Variants in AVL9 observed in about 807,000 individuals in gnomAD.
AVL9 encodes the protein late secretory pathway protein AVL9 homolog.
Under a neutral mutation model 79.2 loss-of-function variants are expected in AVL9, and 49 were observed. That is an observed-to-expected ratio of 0.62 (90% CI 0.49 to 0.79). The LOEUF is 0.79. Ranked by LOEUF, AVL9 falls within the 30% of genes least tolerant of loss-of-function variation. AVL9 has a pLI of 0.00. For synonymous variants in AVL9, 299 were observed against 280.6 expected (o/e 1.07, Z -0.65); for missense variants, 682 against 776.8 (o/e 0.88, Z 1.45).
In AVL9 at chr7:32,584,045, G is replaced by T. The variant is rs1485619235; in HGVS notation, c.*138G>T. On this transcript the variant is annotated 3_prime_UTR_variant, in exon 16 of 16. Coordinates refer to ENST00000318709, the MANE Select transcript of AVL9 (RefSeq NM_015060.3). The stretch of plus-strand genomic sequence containing the variant: ...TGTTTACATGGATGTTGCTCTAAGT[G>T]AATGTTTCGGGATGCCGAAATGATG... 1.4e-6 allele frequency: 1 copy of T among 725,574 alleles called. No homozygotes were observed. Among genetic ancestry groups the T allele is most frequent in the African/African-American group, 1.7e-5 (1 of 57,296 alleles). 44.9% of individuals were successfully genotyped at this position (725,574 alleles called of 1,614,324 possible). A position where few individuals can be genotyped will look rare whatever the true frequency, so the allele number is the denominator to read the frequency against.
chr7:32,563,677 T>C (rs1014765009), intron 10 of AVL9, among the ~76,000 whole-genome samples: 6 of 151,958 alleles, frequency 3.9e-5, no homozygotes, highest in African/African-American at 1.2e-4. Context: ...TATTCCACTT[T>C]TATGTGGAAA....
chr7:32,509,104 T>C (rs1787539483), intron 1 of AVL9, among the ~76,000 whole-genome samples: 1 of 152,212 alleles, frequency 6.6e-6, no homozygotes, highest in Non-Finnish European at 1.5e-5. Context: ...CTGGACATGC[T>C]GTGCCTTCCA....
chr7:32,558,329 T>C (rs1362743478), intron 8 of AVL9, among the ~76,000 whole-genome samples: 1 of 151,918 alleles, frequency 6.6e-6, no homozygotes, highest in Non-Finnish European at 1.5e-5. Flanking sequence ...GGCTAAGTTT[T>C]TGTATTTTAG....
rs150119921 is a variant in AVL9 at position 32,503,770 on chromosome 7, C to T, written c.93+7968C>T. 7.7e-4 allele frequency among the ~76,000 whole-genome samples: 117 copies of T among 151,986 alleles called. 1 individual carries two copies. In the East Asian group the frequency reaches 0.022, roughly 28 times the overall value. On this transcript the variant is annotated intron_variant, in intron 1 of 15. Transcript: ENST00000318709. ...TGATCTTCGTTCACTGCATCCTCCACCTCCGGGGTACAAGCAATTCTCCTG... is the reference window on the plus strand; with the variant it reads ...TGATCTTCGTTCACTGCATCCTCCATCTCCGGGGTACAAGCAATTCTCCTG...
chr7:32,571,560 C>A (rs1442349520), intron 11 of AVL9, among the ~76,000 whole-genome samples: 2 of 151,894 alleles, frequency 1.3e-5, no homozygotes, highest in Non-Finnish European at 2.9e-5. Context: ...TTCACCCACA[C>A]TAAGGTTTTT....
chr7:32,565,438 A>G (rs996912267), intron 10 of AVL9, among the ~76,000 whole-genome samples: 56 of 151,998 alleles, frequency 3.7e-4, no homozygotes, highest in African/African-American at 1.3e-3. Flanking sequence ...GCATGCCTGT[A>G]ATCCCAGCTA....
chr7:32,510,318 T>C (rs1239792742), intron 1 of AVL9, among the ~76,000 whole-genome samples: 1 of 151,890 alleles, frequency 6.6e-6, no homozygotes, highest in East Asian at 1.9e-4. Context: ...CAGGTCTGGC[T>C]GAGAGAATGC....
chr7:32,531,426 T>TGA (rs1562768925), intron 1 of AVL9, among the ~76,000 whole-genome samples: 1 of 152,054 alleles, frequency 6.6e-6, no homozygotes, highest in Admixed American at 6.5e-5. Context: ...AACATGTATA[T>TGA]TCATATAACG....
At chr7:32,566,542 CTAATA>C (rs1790577769) in intron 10 of AVL9, among the ~76,000 whole-genome samples, 1 of 151,548 alleles carries the variant, frequency 6.6e-6, no homozygotes, top group Non-Finnish European at 1.5e-5. Flanking sequence ...TATATAAATA[CTAATA>C]TTTTAAAAAA....
At chr7:32,559,969 TAAAAATACTTTAGGCCGGG>T (rs1451895213) in intron 10 of AVL9, 3 of 152,298 alleles carry the variant, frequency 2.0e-5, no homozygotes, top group Non-Finnish European at 4.4e-5. Context: ...TATCTTAATT[TAAAAATACTTTAGGCCGGG>T]CACAGTAGCT....
At chr7:32,564,382 C>T (rs1463766512) in intron 10 of AVL9, among the ~76,000 whole-genome samples, 3 of 151,990 alleles carry the variant, frequency 2.0e-5, no homozygotes, top group African/African-American at 4.8e-5. Context: ...TTCTTAAAAC[C>T]GAATTGTCTT....
intron 1 of AVL9, among the ~76,000 whole-genome samples, chr7:32,497,286 CAG>C (rs1786874680): frequency 6.6e-6 from 1 of 152,098 alleles, no homozygotes; most frequent in Admixed American, 6.5e-5. Flanking sequence ...AGCCGGGAGG[CAG>C]AGGTTGCTGT....
chr7:32,502,820 G>A (rs7781706), intron 1 of AVL9, among the ~76,000 whole-genome samples: 109,448 of 152,190 alleles, frequency 0.72, 39,511 homozygotes, highest in South Asian at 0.85. Flanking sequence ...TGATTTGCAC[G>A]TGGCTCTGAC....
intron 1 of AVL9, among the ~76,000 whole-genome samples, chr7:32,502,037 A>C (rs867664555): frequency 6.6e-6 from 1 of 150,528 alleles, no homozygotes; most frequent in African/African-American, 2.5e-5. Context: ...ATCATATTTC[A>C]GTATTTTTGA....
At chr7:32,556,293 C>G (rs893122054) in intron 8 of AVL9, among the ~76,000 whole-genome samples, 1 of 152,078 alleles carries the variant, frequency 6.6e-6, no homozygotes, top group African/African-American at 2.4e-5. Context: ...GGTGGGTGAT[C>G]ACTTGAGGTC....
intron 14 of AVL9, 85 bp from the exon 15 acceptor site, chr7:32,580,717 G>GTC: frequency 1.2e-6 from 1 of 833,606 alleles, no homozygotes. Flanking sequence ...TGACTATTGT[G>GTC]TGTGTGTCTA....
intron 13 of AVL9, among the ~76,000 whole-genome samples, chr7:32,576,937 A>C (rs902076158): frequency 2.7e-4 from 41 of 152,264 alleles, no homozygotes; most frequent in African/African-American, 9.2e-4. Flanking sequence ...ATAAAAGGCC[A>C]TTGATTACAG....
chr7:32,548,046 G>A (rs1350391056), intron 3 of AVL9, among the ~76,000 whole-genome samples: 8 of 152,224 alleles, frequency 5.3e-5, no homozygotes, highest in South Asian at 2.1e-4. Flanking sequence ...GGTGCTGGGC[G>A]CCAATACAAG....
intron 1 of AVL9, among the ~76,000 whole-genome samples, chr7:32,498,767 G>A: frequency 6.6e-6 from 1 of 151,262 alleles, no homozygotes; most frequent in East Asian, 1.9e-4. Flanking sequence ...ATTTAAAGTT[G>A]TTTCAAAATA....
Sources: allele counts gnomAD v4.1 joint callset (sites outside exome capture counted in the v4.1 genomes callset), GRCh38; gene constraint gnomAD v4.1.1; transcripts MANE v1.5; gene names NCBI Gene and HGNC (gene_info 2026-07-23, HGNC 2026-07-21).